Variants in NCKAP5 observed in about 807,000 individuals in gnomAD.
NCKAP5 encodes the protein nck-associated protein 5.
In NCKAP5, 92 loss-of-function variants were observed where a neutral mutation model predicts 167.0. The ratio of observed to expected loss-of-function variants is 0.55; its 90% CI spans 0.47 to 0.66. The LOEUF is 0.66. Ranked by LOEUF, NCKAP5 falls within the 30% of genes least tolerant of loss-of-function variation. NCKAP5 has a pLI of 0.00. For missense variants in NCKAP5, 2,378 were observed against 2,315.0 expected, an observed-to-expected ratio of 1.03 and a Z score of -0.56; for synonymous variants, 891 against 877.4, an observed-to-expected ratio of 1.02 and a Z score of -0.27.
chr2:133,268,426 C>A (rs1235753169), intron 4 of NCKAP5: 1 of 151,696 alleles, frequency 6.6e-6, no homozygotes, highest in African/African-American at 2.4e-5. Context: ...GTGTTACTTT[C>A]CCAGTAAGCA....
At chr2:132,937,856 C>A (rs923317825) in intron 8 of NCKAP5, among the ~76,000 whole-genome samples, 1 of 152,192 alleles carries the variant, frequency 6.6e-6, no homozygotes, top group Admixed American at 6.5e-5. Flanking sequence ...AGGAAAACAG[C>A]GAGAGGAGCA....
At chr2:133,422,228 T>C (rs1241398358) in intron 3 of NCKAP5, among the ~76,000 whole-genome samples, 3 of 152,238 alleles carry the variant, frequency 2.0e-5, no homozygotes, top group Non-Finnish European at 4.4e-5. Context: ...GATGCATACA[T>C]GGCCTCTGTC....
intron 4 of NCKAP5, among the ~76,000 whole-genome samples, chr2:133,258,355 C>A (rs1325895807): frequency 1.3e-5 from 2 of 152,194 alleles, no homozygotes; most frequent in Non-Finnish European, 2.9e-5. Context: ...ACCACCTACC[C>A]AACATCACCT....
intron 5 of NCKAP5, among the ~76,000 whole-genome samples, chr2:133,148,960 T>C (rs1240448302): frequency 1.3e-5 from 2 of 152,120 alleles, no homozygotes; most frequent in African/African-American, 4.8e-5. Flanking sequence ...CAGACAAAAA[T>C]ACCTAGTTTC....
intron 6 of NCKAP5, among the ~76,000 whole-genome samples, chr2:133,022,615 G>T (rs776859642): frequency 6.6e-6 from 1 of 152,016 alleles, no homozygotes; most frequent in Non-Finnish European, 1.5e-5. Flanking sequence ...CCTGTTCTTC[G>T]GAGTGTCCAT....
intron 5 of NCKAP5, among the ~76,000 whole-genome samples, chr2:133,164,366 T>G (rs1320135638): frequency 2.0e-5 from 3 of 152,204 alleles, no homozygotes; most frequent in Non-Finnish European, 1.5e-5. Context: ...GAGTGAGAGC[T>G]GTGTTTGAAT....
chr2:133,230,743 C>G (rs1350069975), intron 4 of NCKAP5, among the ~76,000 whole-genome samples: 1 of 152,132 alleles, frequency 6.6e-6, no homozygotes, highest in East Asian at 1.9e-4. Flanking sequence ...TTCCTCTTTT[C>G]CCTCAGCTAT....
At chr2:132,790,326 C>A in intron 12 of NCKAP5, 121 bp from the exon 13 acceptor site, 1 of 845,108 alleles carries the variant, frequency 1.2e-6, no homozygotes, top group South Asian at 1.9e-5. Flanking sequence ...GGAGTACATC[C>A]TGATAAACCC....
rs146135973 is a variant in NCKAP5, at chr2:132,861,714, C to T, written c.688-1103G>A. On this transcript the variant is annotated intron_variant, in intron 10 of 19. Transcript: ENST00000409261. ...CTCTCTGACCTTTTACCTGGCATCC[C>T]TCAATACCTGCTCCATTTTCTGAAC... is the stretch of plus-strand genomic sequence containing the variant. Among the ~76,000 whole-genome samples the T allele has an allele frequency of 5.3e-5, 8 of 152,246 alleles. No individual in the cohort carries two copies. In the East Asian group the frequency reaches 1.5e-3, roughly 29 times the overall value.
chr2:133,501,916 T>C (rs1559531655), intron 3 of NCKAP5, among the ~76,000 whole-genome samples: 1 of 152,200 alleles, frequency 6.6e-6, no homozygotes, highest in Non-Finnish European at 1.5e-5. Context: ...TCCTGGGAAT[T>C]CCTAAATCAT....
intron 3 of NCKAP5, among the ~76,000 whole-genome samples, chr2:133,326,918 C>T (rs1161785972): frequency 5.3e-5 from 8 of 152,188 alleles, no homozygotes; most frequent in Non-Finnish European, 7.3e-5. Context: ...GTTCAAGAAT[C>T]GGCTTCTAAC....
At chr2:133,267,186 C>T (rs558483599) in intron 4 of NCKAP5, 1 of 151,950 alleles carries the variant, frequency 6.6e-6, no homozygotes, top group African/African-American at 2.4e-5. Flanking sequence ...CTGCCCCTAA[C>T]GGAGGAACTG....
Position 132,782,438 on chromosome 2 carries a change from G to A in NCKAP5, c.4373C>T (p.Ala1458Val), listed in dbSNP as rs112873686. The A allele has an allele frequency of 9.7e-5, 156 of 1,613,800 alleles. 1 individual carries two copies. In the African/African-American group the frequency reaches 1.3e-3, roughly 13 times the overall value. The change falls in exon 14 of 20, where the codon GCG becomes GTG. Residue 1458 changes from alanine to valine, a missense_variant. Transcript: ENST00000409261. Reference protein sequence around the residue: ...SGRHPDASATATDAVSSEAPL... With the variant: ...SGRHPDASATVTDAVSSEAPL... The stretch of plus-strand genomic sequence containing the variant: ...GGCTTCTGAACTCACAGCATCAGTC[G>A]CGGTTGCAGAGGCATCTGGATGCCT...
intron 3 of NCKAP5, among the ~76,000 whole-genome samples, chr2:133,329,533 T>A (rs72987685): frequency 0.028 from 4,274 of 151,482 alleles, 186 homozygotes; most frequent in African/African-American, 0.098. Context: ...AAGTGGGGGG[T>A]ATTGAAAGAT....
chr2:133,606,513 T>C, the NCKAP5 span, among the ~76,000 whole-genome samples: 1 of 152,178 alleles, frequency 6.6e-6, no homozygotes, highest in African/African-American at 2.4e-5. Flanking sequence ...CTAAAAGGCC[T>C]GGGCCCACAC....
chr2:133,238,617 C>T (rs2087536347), intron 4 of NCKAP5, among the ~76,000 whole-genome samples: 1 of 152,134 alleles, frequency 6.6e-6, no homozygotes, highest in African/African-American at 2.4e-5. Context: ...GAAAAGACTC[C>T]AAAATCTTTT....
chr2:132,910,909 A>C (rs962332083), intron 8 of NCKAP5, among the ~76,000 whole-genome samples: 1 of 152,236 alleles, frequency 6.6e-6, no homozygotes, highest in South Asian at 2.1e-4. Context: ...GTATAATTCT[A>C]TCTCATAAGC....
At chr2:133,334,411 T>C in intron 3 of NCKAP5, among the ~76,000 whole-genome samples, 1 of 152,214 alleles carries the variant, frequency 6.6e-6, no homozygotes, top group East Asian at 1.9e-4. Context: ...GGCACTTTTA[T>C]GTTCATCATC....
the NCKAP5 span, among the ~76,000 whole-genome samples, chr2:133,616,380 A>T: frequency 2.6e-5 from 4 of 152,202 alleles, no homozygotes; most frequent in East Asian, 7.7e-4. Flanking sequence ...TTTTGAAAGC[A>T]TCAACAAAGT....
Sources: allele counts gnomAD v4.1 joint callset (sites outside exome capture counted in the v4.1 genomes callset), GRCh38; gene constraint gnomAD v4.1.1; transcripts MANE v1.5; gene names NCBI Gene and HGNC (gene_info 2026-07-23, HGNC 2026-07-21).